NRXN1: variants seen among roughly 807,000 people sequenced by gnomAD.
NRXN1 encodes the protein neurexin 1, also known as neurexin-1.
A neutral mutation model predicts 150.9 loss-of-function variants in NRXN1; 39 were observed. The ratio of observed to expected loss-of-function variants is 0.26; its 90% CI spans 0.20 to 0.34. The LOEUF (loss-of-function observed/expected upper bound fraction) is 0.34. Among genes scored for constraint, NRXN1 ranks in the 10% least tolerant of loss-of-function variants. The probability of loss-of-function intolerance (pLI) is 1.00; values close to 1 mark genes in which losing one functional copy is unlikely to be tolerated. For missense variants in NRXN1, 1,815 were observed against 1,949.9 expected, an observed-to-expected ratio of 0.93 and a Z score of 1.30; for synonymous variants, 924 against 757.0, an observed-to-expected ratio of 1.22 and a Z score of -3.62.
At chr2:50,999,505 T>C (rs185699093) in intron 2 of NRXN1, among the ~76,000 whole-genome samples, 1 of 152,100 alleles carries the variant, frequency 6.6e-6, no homozygotes, top group Admixed American at 6.6e-5. Flanking sequence ...CCCCCATAGT[T>C]CCTCTTTTCA....
intron 2 of NRXN1, among the ~76,000 whole-genome samples, chr2:50,957,131 A>G (rs1692406362): frequency 6.6e-6 from 1 of 152,156 alleles, no homozygotes; most frequent in Admixed American, 6.6e-5. Context: ...TTTTCTCAAG[A>G]TTTGTGCCCT....
chr2:50,590,022 T>A (rs1357894542), intron 8 of NRXN1, among the ~76,000 whole-genome samples: 1 of 152,200 alleles, frequency 6.6e-6, no homozygotes, highest in African/African-American at 2.4e-5. Context: ...ATAGAATGTA[T>A]TTATGGAACA....
intron 21 of NRXN1, among the ~76,000 whole-genome samples, chr2:49,993,616 A>T (rs1573282971): frequency 1.3e-5 from 2 of 152,188 alleles, no homozygotes; most frequent in East Asian, 3.9e-4. Flanking sequence ...GAGGGTGTTG[A>T]TAATGAGGGA....
At chr2:51,025,674 T>C (rs1670331547) in intron 2 of NRXN1, among the ~76,000 whole-genome samples, 1 of 152,176 alleles carries the variant, frequency 6.6e-6, no homozygotes, top group African/African-American at 2.4e-5. Context: ...TATTAATCAG[T>C]GCAAAAGTAT....
At chr2:50,373,690 G>GGAAGGAAAGAAAGAAAGAAAGAAAGAAA (rs1168453652) in intron 17 of NRXN1, among the ~76,000 whole-genome samples, 3 of 91,722 alleles carry the variant, frequency 3.3e-5, no homozygotes, top group African/African-American at 1.5e-4. Context: ...AAAGAAAGAA[G>GGAAGGAAAGAAAGAAAGAAAGAAAGAAA]GAAAGAAAGA....
At chr2:50,872,879 G>GTA (rs1678000523) in intron 5 of NRXN1, among the ~76,000 whole-genome samples, 1 of 151,738 alleles carries the variant, frequency 6.6e-6, no homozygotes, top group South Asian at 2.1e-4. Context: ...GAATTTACAC[G>GTA]GTCAACAATC....
At chr2:50,309,439 G>T (rs2074977016) in intron 17 of NRXN1, among the ~76,000 whole-genome samples, 1 of 152,078 alleles carries the variant, frequency 6.6e-6, no homozygotes. Flanking sequence ...TGACCTCTTA[G>T]GTCCCTTCAG....
intron 17 of NRXN1, among the ~76,000 whole-genome samples, chr2:50,365,218 C>T (rs1043796360): frequency 2.0e-5 from 3 of 151,768 alleles, no homozygotes; most frequent in Non-Finnish European, 4.4e-5. Context: ...CAAATGTTTG[C>T]TTTAATGTTT....
At chr2:51,023,504 T>C (rs950679462) in intron 2 of NRXN1, among the ~76,000 whole-genome samples, 10 of 152,172 alleles carry the variant, frequency 6.6e-5, no homozygotes, top group African/African-American at 2.4e-4. Context: ...TGGTTAATTC[T>C]TTCTCACTTT....
chr2:50,521,056 T>C (rs1055412361), intron 12 of NRXN1, among the ~76,000 whole-genome samples: 2 of 152,124 alleles, frequency 1.3e-5, no homozygotes, highest in East Asian at 1.9e-4. Flanking sequence ...TTAAGTTGTA[T>C]AGAAGTTCAT....
chr2:51,007,262 C>T (rs923065310), intron 2 of NRXN1, among the ~76,000 whole-genome samples: 5 of 151,818 alleles, frequency 3.3e-5, no homozygotes, highest in African/African-American at 9.6e-5. Flanking sequence ...TTCTGAAATA[C>T]AGAAAGGGTA....
At chr2:50,067,385 A>G (rs1235684007) in intron 19 of NRXN1, among the ~76,000 whole-genome samples, 1 of 152,232 alleles carries the variant, frequency 6.6e-6, no homozygotes, top group Non-Finnish European at 1.5e-5. Context: ...ATTAATTTGA[A>G]ATAAATACAG....
chr2:49,967,909 C>A (rs566661224), intron 21 of NRXN1, among the ~76,000 whole-genome samples: 1 of 152,072 alleles, frequency 6.6e-6, no homozygotes, highest in East Asian at 1.9e-4. Flanking sequence ...ATGTTTTATA[C>A]CTAGGTATCA....
intron 21 of NRXN1, among the ~76,000 whole-genome samples, chr2:49,967,132 C>A (rs182038072): frequency 4.6e-5 from 7 of 152,122 alleles, no homozygotes; most frequent in East Asian, 3.9e-4. Flanking sequence ...TAAAGTAAAT[C>A]ACTTTTCAAA....
chr2:50,508,021 C>T (rs2092312258), intron 12 of NRXN1, among the ~76,000 whole-genome samples: 1 of 151,940 alleles, frequency 6.6e-6, no homozygotes, highest in Non-Finnish European at 1.5e-5. Flanking sequence ...CAAGAGAGAT[C>T]GAGTAAGAGA....
chr2:50,628,728 G>A (rs1037300231), intron 5 of NRXN1, among the ~76,000 whole-genome samples: 9 of 150,944 alleles, frequency 6.0e-5, no homozygotes, highest in East Asian at 3.9e-4. Flanking sequence ...CTAAAACAAC[G>A]AAAATGAAAA....
At chr2:50,571,726 T>C (rs2882764) in intron 8 of NRXN1, among the ~76,000 whole-genome samples, 2 of 151,974 alleles carry the variant, frequency 1.3e-5, no homozygotes, top group Admixed American at 1.3e-4. Context: ...CCATAGAGTA[T>C]ATTGCAGAAA....
In NRXN1 at chr2:51,027,832, T is replaced by C. The variant is rs1670810428; in HGVS notation, c.442A>G (p.Thr148Ala). The C allele has an allele frequency of 6.2e-7, 1 of 1,613,232 alleles. No individual in the cohort carries two copies. Among genetic ancestry groups the C allele is most frequent in the Non-Finnish European group, 8.5e-7 (1 of 1,179,692 alleles). ...VEVKSKRRDM[T>A]VFSGLFVGGL... Reference sequence around the variant, plus strand: ...CCGACGAAAAGGCCGCTGAACACCGTCATGTCCCTGCGCTTGGACTTGACC... The same window carrying C: ...CCGACGAAAAGGCCGCTGAACACCGCCATGTCCCTGCGCTTGGACTTGACC... The change falls in exon 2 of 23, where the codon ACG (threonine) becomes GCG (alanine). Residue 148 changes from threonine (T) to alanine (A), a missense_variant. This residue lies in a region of NRXN1 where 554 missense variants were observed against 478.8 expected (regional missense o/e 1.16). Transcript: ENST00000401669.
chr2:50,045,840 C>T (rs973565955), intron 21 of NRXN1, among the ~76,000 whole-genome samples: 5 of 152,258 alleles, frequency 3.3e-5, no homozygotes, highest in Non-Finnish European at 7.4e-5. Flanking sequence ...GGTACACAGA[C>T]TTCATTCAAT....
Sources: allele counts gnomAD v4.1 joint callset (sites outside exome capture counted in the v4.1 genomes callset), GRCh38; gene constraint gnomAD v4.1.1; regional missense constraint gnomAD v4.1.1; transcripts MANE v1.5; gene names NCBI Gene and HGNC (gene_info 2026-07-23, HGNC 2026-07-21).